NLRP4: variants seen among roughly 807,000 people sequenced by gnomAD.
NLRP4 encodes NLR family pyrin domain containing 4.
A neutral mutation model predicts 84.7 loss-of-function variants in NLRP4; 44 were observed. The ratio of observed to expected loss-of-function variants is 0.52; its 90% CI spans 0.41 to 0.67. NLRP4 has a LOEUF of 0.67. Ranked by LOEUF, NLRP4 falls within the 30% of genes least tolerant of loss-of-function variation. The pLI is 0.00. For synonymous variants in NLRP4, 544 were observed against 476.4 expected, an observed-to-expected ratio of 1.14 and a Z score of -1.85; for missense variants, 1,260 against 1,219.4, an observed-to-expected ratio of 1.03 and a Z score of -0.50.
At chr19:55,871,497 G>A (rs1985182556) in intron 7 of NLRP4, among the ~76,000 whole-genome samples, 1 of 152,204 alleles carries the variant, frequency 6.6e-6, no homozygotes, top group South Asian at 2.1e-4. Context: ...TTAATTTCAT[G>A]TTATCAAATA....
At chr19:55,871,042 G>A in intron 7 of NLRP4, 45 bp downstream of exon 7, 2 of 1,557,144 alleles carry the variant, frequency 1.3e-6, no homozygotes, top group Non-Finnish European at 1.8e-6. Context: ...GTCTTTTCAA[G>A]GGCATGCACT....
chr19:55,858,444 C>T lies in NLRP4; in HGVS notation c.1051C>T (p.Leu351=). Residue 351 remains leucine (L), a synonymous_variant, in exon 3 of 10, where the codon CTG becomes TTG. Transcript: ENST00000301295. This position sits in a 1 kb window ranked among gnomAD's most constrained non-coding sequence, Gnocchi z 4.2. ...CCTCTGCTGGATCCTGTGTACCAGT[C>T]TGAAGCAAGAGATGCAGAAAGGAAA... ...PLLCWILCTS[L]KQEMQKGKDL... The T allele has an allele frequency of 6.2e-7, 1 of 1,614,104 alleles. No individual in the cohort carries two copies. The highest frequency in any genetic ancestry group is 8.5e-7 in the Non-Finnish European group (1 of 1,180,030).
Position 55,858,737 on chromosome 19 carries a change from C to CGT in NLRP4, c.1347_1348dup (p.Phe450CysfsTer29), listed in dbSNP as rs1420754834. On this transcript the variant is annotated frameshift_variant, in exon 3 of 10. Coordinates refer to ENST00000301295, the MANE Select transcript of NLRP4 (RefSeq NM_134444.5). LOFTEE classifies it high-confidence loss of function. The surrounding 1 kb of genome is among the most constrained non-coding windows in gnomAD (Gnocchi z 4.2). ...AGTACGGGGAGCGTGAGAGCTCCTA[C>CGT]GTGTTCCTCCACGTGTGTATCCAGG... 6.2e-7 allele frequency: 1 copy of CGT among 1,613,966 alleles called. No homozygotes were observed. Among genetic ancestry groups the CGT allele is most frequent in the Admixed American group, 1.7e-5 (1 of 59,996 alleles).
chr19:55,844,987 C>T (rs558570893), intron 1 of NLRP4, among the ~76,000 whole-genome samples: 51 of 151,942 alleles, frequency 3.4e-4, no homozygotes, highest in African/African-American at 7.0e-4. Flanking sequence ...TTCCCAGAGC[C>T]GGAGGTATTA....
In NLRP4 at chr19:55,852,185, G is replaced by T. The variant is rs777046355; in HGVS notation, c.105G>T (p.Leu35Phe). 44 of 1,608,896 alleles carry T rather than the reference G, an allele frequency of 2.7e-5. No homozygotes were observed. Among genetic ancestry groups the T allele is most frequent in the Admixed American group, 5.1e-5 (3 of 58,648 alleles). The change falls in exon 2 of 10, where the codon TTG becomes TTT. Residue 35 changes from leucine to phenylalanine, a missense_variant. Transcript: ENST00000301295. The stretch of plus-strand genomic sequence containing the variant: ...AAGAACATCTCAAGCAAATGACTTT[G>T]CAGCTTGAACTCAAGCAGATTCCCT... ...KFKEHLKQMT[L>F]QLELKQIPWT... is the part of the protein sequence containing the mutation.
chr19:55,878,815 G>A lies in NLRP4; in HGVS notation c.2718G>A (p.Thr906=), dbSNP rs762892416. The change falls in exon 9 of 10, where the codon ACG becomes ACA. Residue 906 remains threonine (T), a synonymous_variant. Coordinates refer to ENST00000301295, the MANE Select transcript of NLRP4 (RefSeq NM_134444.5). The part of the protein sequence containing the change: ...EILGLEECGL[T]STCCKDLASV... ...GCAGGTTGGAAGAATGTGGGTTAAC[G>A]AGCACCTGCTGTAAGGATCTCGCGT... 39 of 1,612,422 alleles carry A rather than the reference G, an allele frequency of 2.4e-5. No homozygotes were observed. The highest frequency in any genetic ancestry group is 4.0e-5 in the African/African-American group (3 of 74,890).
intron 2 of NLRP4, 97 bp from the exon 3 acceptor site, chr19:55,857,577 A>G: frequency 8.6e-7 from 1 of 1,158,338 alleles, no homozygotes; most frequent in Non-Finnish European, 1.2e-6. Context: ...CACAGTGTGT[A>G]GACCCCTGGA....
intron 1 of NLRP4, among the ~76,000 whole-genome samples, chr19:55,848,983 A>G (rs1013478082): frequency 1.3e-5 from 2 of 151,730 alleles, no homozygotes; most frequent in Non-Finnish European, 2.9e-5. Context: ...GCCTTCCCCC[A>G]TGATTGTGAG....
In NLRP4 at chr19:55,878,975, G is replaced by T; in HGVS notation, c.2867+11G>T. 1 of 1,609,754 alleles carries T rather than the reference G, an allele frequency of 6.2e-7. No individual in the cohort carries two copies. On this transcript the variant is annotated intron_variant, in intron 9 of 9. Transcript: ENST00000301295. Reference sequence around the variant, plus strand: ...CCTGCAGGTGCTCGGGTGAGCTGGGGTCTGTTGTGCTCTATGGGCAGAGTG... The same window carrying T: ...CCTGCAGGTGCTCGGGTGAGCTGGGTTCTGTTGTGCTCTATGGGCAGAGTG...
At chr19:55,874,974 T>G (rs1008076255) in intron 7 of NLRP4, among the ~76,000 whole-genome samples, 7 of 152,152 alleles carry the variant, frequency 4.6e-5, no homozygotes, top group African/African-American at 1.7e-4. Flanking sequence ...TTAAAAAGAT[T>G]AGTAAAAAAA....
At chr19:55,859,275 CTCTT>C (rs761654436) in intron 3 of NLRP4, 26 bp downstream of exon 3, 6 of 1,553,416 alleles carry the variant, frequency 3.9e-6, no homozygotes, top group Middle Eastern at 3.7e-4. Context: ...GACTTTTTCT[CTCTT>C]CTCAGAATCT....
intron 7 of NLRP4, among the ~76,000 whole-genome samples, chr19:55,871,520 G>A (rs1233649356): frequency 6.6e-6 from 1 of 152,164 alleles, no homozygotes; most frequent in East Asian, 1.9e-4. Flanking sequence ...GAAATATCTG[G>A]GTAACCCCTG....
intron 5 of NLRP4, among the ~76,000 whole-genome samples, chr19:55,863,739 G>T (rs955137369): frequency 3.9e-5 from 6 of 152,176 alleles, no homozygotes; most frequent in Non-Finnish European, 7.3e-5. Context: ...TCTGTTTCTT[G>T]ACCTGGATAC....
intron 6 of NLRP4, 45 bp from the exon 7 acceptor site, chr19:55,870,782 A>C: frequency 6.9e-7 from 1 of 1,451,516 alleles, no homozygotes; most frequent in Non-Finnish European, 9.7e-7. Context: ...TCCCTGAGAC[A>C]CCACGTCCCT....
intron 5 of NLRP4, among the ~76,000 whole-genome samples, chr19:55,864,339 G>A (rs1456595318): frequency 6.6e-6 from 1 of 152,136 alleles, no homozygotes; most frequent in Non-Finnish European, 1.5e-5. Context: ...TTTGCGAATG[G>A]CTTACTTTCA....
At chr19:55,842,921 G>T (rs1256869728) in intron 1 of NLRP4, among the ~76,000 whole-genome samples, 1 of 151,732 alleles carries the variant, frequency 6.6e-6, no homozygotes, top group African/African-American at 2.4e-5. Context: ...CACCACGCCC[G>T]GCTAATTTTT....
At chr19:55,861,316 G>A in intron 3 of NLRP4, 70 bp from the exon 4 acceptor site, 3 of 1,308,704 alleles carry the variant, frequency 2.3e-6, no homozygotes, top group Non-Finnish European at 3.3e-6. Flanking sequence ...ACAGCGTAGT[G>A]CGTATATGTG....
rs1984507496 is a variant in NLRP4 at position 55,857,832 on chromosome 19, C to G, written c.439C>G (p.Gln147Glu). The G allele has an allele frequency of 6.2e-7, 1 of 1,613,874 alleles. No homozygotes were observed. Among genetic ancestry groups the G allele is most frequent in the Non-Finnish European group, 8.5e-7 (1 of 1,179,882 alleles). ...RLFAPKEAGKQPRTVIIQGPQ... is the reference protein window; with the variant it reads ...RLFAPKEAGKEPRTVIIQGPQ... Reference sequence around the variant, plus strand: ...TTTTGCTCCCAAGGAAGCTGGGAAACAGCCACGTACAGTGATCATTCAAGG... The same window carrying G: ...TTTTGCTCCCAAGGAAGCTGGGAAAGAGCCACGTACAGTGATCATTCAAGG... Residue 147 changes from glutamine (Q) to glutamate (E), a missense_variant, in exon 3 of 10, where the codon CAG becomes GAG. Coordinates refer to ENST00000301295, the MANE Select transcript of NLRP4 (RefSeq NM_134444.5).
At position 55,858,519 on chromosome 19, in the gene NLRP4, G is replaced by C. The variant is rs149428225; in HGVS notation, c.1126G>C (p.Val376Leu). 3 of 1,614,124 alleles carry C rather than the reference G, an allele frequency of 1.9e-6. No homozygotes were observed. The highest frequency in any genetic ancestry group is 2.5e-6 in the Non-Finnish European group (3 of 1,180,026). The change falls in exon 3 of 10, where the codon GTC (valine) becomes CTC (leucine). Residue 376 changes from valine (V) to leucine (L), a missense_variant. Physicochemically the swap from Val to Leu is conservative, Grantham distance 32 (BLOSUM62 1). Around this residue, in one of 3 missense-constraint regions of NLRP4, gnomAD observed 712 missense variants for 669.2 expected, o/e 1.06. Coordinates refer to ENST00000301295, the MANE Select transcript of NLRP4 (RefSeq NM_134444.5). This position sits in a 1 kb window ranked among gnomAD's most constrained non-coding sequence, Gnocchi z 4.2. ...CACTACCTCTGTGTACTCCTCTTTCGTCTTTAACCTGTTCACACCTGAGGG... is the reference window on the plus strand; with the variant it reads ...CACTACCTCTGTGTACTCCTCTTTCCTCTTTAACCTGTTCACACCTGAGGG... ...QSTTSVYSSF[V>L]FNLFTPEGAE... is the part of the protein sequence containing the mutation.
Sources: allele counts gnomAD v4.1 joint callset (sites outside exome capture counted in the v4.1 genomes callset), GRCh38; gene constraint gnomAD v4.1.1; regional missense constraint gnomAD v4.1.1; non-coding constraint Gnocchi (gnomAD v3.1); transcripts MANE v1.5; gene names NCBI Gene and HGNC (gene_info 2026-07-23, HGNC 2026-07-21).